RFX3: variants seen among roughly 807,000 people sequenced by gnomAD.
RFX3 encodes the protein transcription factor RFX3.
Under a neutral mutation model 98.6 loss-of-function variants are expected in RFX3, and 14 were observed. That is an observed-to-expected ratio of 0.14 (90% confidence interval 0.09 to 0.22). The LOEUF (loss-of-function observed/expected upper bound fraction) is 0.22. Ranked by LOEUF, RFX3 falls within the 10% of genes least tolerant of loss-of-function variation. RFX3 has a pLI of 1.00. For synonymous variants in RFX3, 383 were observed against 328.4 expected, an observed-to-expected ratio of 1.17 and a Z score of -1.80; for missense variants, 639 against 926.9, an observed-to-expected ratio of 0.69 and a Z score of 4.03.
intron 4 of RFX3, among the ~76,000 whole-genome samples, chr9:3,318,049 G>A (rs1830832509): frequency 6.6e-6 from 1 of 152,132 alleles, no homozygotes; most frequent in Admixed American, 6.6e-5. Context: ...TATAAATCAT[G>A]CTGCTATAAA....
intron 3 of RFX3, among the ~76,000 whole-genome samples, chr9:3,345,068 C>A (rs1338013802): frequency 6.6e-6 from 1 of 152,250 alleles, no homozygotes; most frequent in African/African-American, 2.4e-5. Context: ...GAAACATAAA[C>A]AAGCATTCAC....
intron 5 of RFX3, among the ~76,000 whole-genome samples, chr9:3,297,525 A>C (rs1828138311): frequency 6.6e-6 from 1 of 152,038 alleles, no homozygotes; most frequent in Non-Finnish European, 1.5e-5. Flanking sequence ...TAAATATTGC[A>C]TTGCCCAATT....
At chr9:3,423,505 G>C (rs1843635737) in intron 1 of RFX3, among the ~76,000 whole-genome samples, 2 of 151,798 alleles carry the variant, frequency 1.3e-5, no homozygotes, top group South Asian at 4.2e-4. Context: ...CTCAACATTG[G>C]GCTGAGCAAA....
At chr9:3,345,096 A>G (rs1834309736) in intron 3 of RFX3, among the ~76,000 whole-genome samples, 1 of 152,190 alleles carries the variant, frequency 6.6e-6, no homozygotes, top group Admixed American at 6.5e-5. Flanking sequence ...TGCTGTAAGT[A>G]AAAGTCAGGG....
intron 1 of RFX3, among the ~76,000 whole-genome samples, chr9:3,504,854 T>C (rs1352285503): frequency 1.4e-4 from 4 of 27,912 alleles, no homozygotes; most frequent in Non-Finnish European, 3.2e-4. Context: ...ATATATTATA[T>C]ATGATATAAT....
At chr9:3,277,883 G>C (rs1405432644) in intron 7 of RFX3, among the ~76,000 whole-genome samples, 1 of 151,848 alleles carries the variant, frequency 6.6e-6, no homozygotes, top group Non-Finnish European at 1.5e-5. Context: ...CTTTCAATTA[G>C]TTAATATCTC....
intron 1 of RFX3, among the ~76,000 whole-genome samples, chr9:3,472,822 A>G (rs957118770): frequency 6.6e-6 from 1 of 152,208 alleles, no homozygotes; most frequent in Admixed American, 6.5e-5. Context: ...CAACTGCTAT[A>G]GTATCCTGAT....
intron 1 of RFX3, among the ~76,000 whole-genome samples, chr9:3,458,946 C>T (rs1847445716): frequency 6.6e-6 from 1 of 152,104 alleles, no homozygotes. Flanking sequence ...GTATTGAAAA[C>T]ATTCCTGCAT....
At chr9:3,285,474 C>T (rs897119432) in intron 7 of RFX3, among the ~76,000 whole-genome samples, 32 of 151,822 alleles carry the variant, frequency 2.1e-4, no homozygotes, top group Admixed American at 1.1e-3. Flanking sequence ...GAAACTCCTT[C>T]TTTCCTGTCT....
At chr9:3,428,595 T>C (rs1338046434) in intron 1 of RFX3, among the ~76,000 whole-genome samples, 2 of 152,158 alleles carry the variant, frequency 1.3e-5, no homozygotes, top group East Asian at 1.9e-4. Context: ...ATAAAAAGAA[T>C]AGAAAATTCA....
chr9:3,420,955 A>G (rs1843388890), intron 1 of RFX3: 1 of 982,040 alleles, frequency 1.0e-6, no homozygotes, highest in African/African-American at 1.8e-5. Flanking sequence ...TGGCTACAAC[A>G]GAAACTAGCC....
chr9:3,323,791 G>T (rs1192690565), intron 4 of RFX3, among the ~76,000 whole-genome samples: 2 of 152,188 alleles, frequency 1.3e-5, no homozygotes, highest in African/African-American at 4.8e-5. Context: ...GAAGGATGCT[G>T]TGATTCTCTT....
intron 7 of RFX3, among the ~76,000 whole-genome samples, chr9:3,285,221 G>A (rs972075392): frequency 1.3e-5 from 2 of 151,692 alleles, no homozygotes; most frequent in South Asian, 2.1e-4. Context: ...AAACCTTCAA[G>A]TATTCAAACA....
intron 3 of RFX3, among the ~76,000 whole-genome samples, chr9:3,333,427 T>C (rs914702398): frequency 6.9e-6 from 1 of 145,144 alleles, no homozygotes; most frequent in Non-Finnish European, 1.5e-5. Flanking sequence ...AACAAATTCA[T>C]AGAAAATGTT....
intron 11 of RFX3, 51 bp from the exon 12 acceptor site, chr9:3,266,356 A>G: frequency 8.4e-7 from 1 of 1,195,400 alleles, no homozygotes; most frequent in Non-Finnish European, 1.2e-6. Flanking sequence ...AAAGAATATT[A>G]ATGTTTGTGC....
intron 16 of RFX3, among the ~76,000 whole-genome samples, chr9:3,226,640 C>G (rs548219578): frequency 1.3e-5 from 2 of 152,268 alleles, no homozygotes; most frequent in African/African-American, 2.4e-5. Context: ...GGTAAATGAA[C>G]TTAATGATAA....
chr9:3,402,525 A>T (rs375213926), intron 1 of RFX3, among the ~76,000 whole-genome samples: 1 of 152,146 alleles, frequency 6.6e-6, no homozygotes, highest in African/African-American at 2.4e-5. Context: ...TTACAAGAGC[A>T]TTAGAAACCT....
intron 12 of RFX3, among the ~76,000 whole-genome samples, chr9:3,264,069 G>GT (rs1398957105): frequency 6.6e-6 from 1 of 151,622 alleles, no homozygotes; most frequent in African/African-American, 2.4e-5. Context: ...ATTCCTCTTT[G>GT]TTTTTTTCAA....
intron 1 of RFX3, chr9:3,489,385 G>A: frequency 3.1e-6 from 3 of 980,466 alleles, no homozygotes; most frequent in Non-Finnish European, 3.6e-6. Flanking sequence ...GAATGGCAGT[G>A]GAAGGCCTGT....
Sources: gnomAD v4.1 joint callset for allele counts (sites outside exome capture counted in the v4.1 genomes callset) on GRCh38, gnomAD v4.1.1 for gene constraint, MANE v1.5 for transcripts, NCBI Gene and HGNC (gene_info 2026-07-23, HGNC 2026-07-21) for gene names.